SH3GL2: variants seen among roughly 807,000 people sequenced by gnomAD.
SH3GL2 encodes SH3 domain containing GRB2 like 2, endophilin A1, also known as endophilin-A1.
A neutral mutation model predicts 46.0 loss-of-function variants in SH3GL2; 24 were observed. That is an observed-to-expected ratio of 0.52 (90% CI 0.38 to 0.73). The LOEUF (loss-of-function observed/expected upper bound fraction) is 0.73, where lower values mean the gene tolerates loss of function less well. SH3GL2 is among the 30% of genes least tolerant of loss of function. SH3GL2 has a pLI of 0.00. For synonymous variants in SH3GL2, 196 were observed against 147.1 expected, an observed-to-expected ratio of 1.33 and a Z score of -2.40; for missense variants, 413 against 424.2, an observed-to-expected ratio of 0.97 and a Z score of 0.23.
At chr9:17,728,900 AGT>A (rs1413326598) in intron 1 of SH3GL2, among the ~76,000 whole-genome samples, 2 of 152,078 alleles carry the variant, frequency 1.3e-5, no homozygotes, top group Non-Finnish European at 2.9e-5. Context: ...GTTGGTTCCA[AGT>A]CTTTGTTACT....
intron 1 of SH3GL2, among the ~76,000 whole-genome samples, chr9:17,587,842 A>T (rs914967967): frequency 3.3e-5 from 5 of 151,910 alleles, no homozygotes; most frequent in Admixed American, 6.6e-5. Flanking sequence ...GCCAGATTGC[A>T]CCACTGCACT....
chr9:17,690,700 C>T (rs1376702758), intron 1 of SH3GL2, among the ~76,000 whole-genome samples: 2 of 152,092 alleles, frequency 1.3e-5, no homozygotes, highest in African/African-American at 2.4e-5. Context: ...TCTTTCCTAG[C>T]CCGTCACATT....
intron 1 of SH3GL2, among the ~76,000 whole-genome samples, chr9:17,726,032 C>A (rs1822012845): frequency 6.6e-6 from 1 of 152,080 alleles, no homozygotes; most frequent in African/African-American, 2.4e-5. Flanking sequence ...GCCATTCTTA[C>A]CAAGATTTAG....
chr9:17,601,305 A>T (rs1818667728), intron 1 of SH3GL2, among the ~76,000 whole-genome samples: 1 of 152,172 alleles, frequency 6.6e-6, no homozygotes, highest in Admixed American at 6.6e-5. Flanking sequence ...GAAAGGTGGA[A>T]AAAATAAACA....
chr9:17,589,620 A>G (rs1229902600), intron 1 of SH3GL2: 4 of 152,266 alleles, frequency 2.6e-5, no homozygotes, highest in African/African-American at 9.6e-5. Context: ...CAGTTAGAGT[A>G]GAGGAGTTGA....
At chr9:17,638,125 C>T (rs1819586615) in intron 1 of SH3GL2, among the ~76,000 whole-genome samples, 1 of 151,328 alleles carries the variant, frequency 6.6e-6, no homozygotes, top group East Asian at 2.0e-4. Flanking sequence ...CCACTGCACT[C>T]CAGCCTGGGC....
chr9:17,618,155 G>A (rs988556473), intron 1 of SH3GL2, among the ~76,000 whole-genome samples: 1 of 152,140 alleles, frequency 6.6e-6, no homozygotes, highest in Admixed American at 6.5e-5. Flanking sequence ...TAAAGGGGAT[G>A]TTTGGCAATG....
At chr9:17,682,950 A>T (rs1232164566) in intron 1 of SH3GL2, among the ~76,000 whole-genome samples, 3 of 152,032 alleles carry the variant, frequency 2.0e-5, no homozygotes, top group East Asian at 3.9e-4. Flanking sequence ...AAGCTCACAG[A>T]GTGTTGCCTT....
chr9:17,584,994 C>T (rs1214945743), intron 1 of SH3GL2, among the ~76,000 whole-genome samples: 2 of 152,034 alleles, frequency 1.3e-5, no homozygotes, highest in South Asian at 2.1e-4. Context: ...TTAGAAGTAC[C>T]CTAGAAAATG....
rs1485310612 is a variant in SH3GL2, at chr9:17,586,973, G to A, written c.45+7686G>A. Among the ~76,000 whole-genome samples the A allele has an allele frequency of 3.3e-5, 5 of 152,308 alleles. No individual in the cohort carries two copies. The East Asian group carries it at 5.8e-4, about 18-fold the overall frequency. ...TGCAATCCCAGCACTTTGGGAGGTCGAGGCAGGCAGATCACTTGAGGAGTT... is the reference window on the plus strand; with the variant it reads ...TGCAATCCCAGCACTTTGGGAGGTCAAGGCAGGCAGATCACTTGAGGAGTT... On this transcript the variant is annotated intron_variant, in intron 1 of 8. Coordinates refer to ENST00000380607, the MANE Select transcript of SH3GL2 (RefSeq NM_003026.5).
At chr9:17,673,916 G>C (rs995060602) in intron 1 of SH3GL2, among the ~76,000 whole-genome samples, 34 of 152,082 alleles carry the variant, frequency 2.2e-4, no homozygotes, top group Admixed American at 3.9e-4. Context: ...TCTCCATAGG[G>C]CATCCTGTGT....
At chr9:17,603,451 A>T (rs1055335105) in intron 1 of SH3GL2, among the ~76,000 whole-genome samples, 2 of 152,204 alleles carry the variant, frequency 1.3e-5, no homozygotes, top group Non-Finnish European at 2.9e-5. Context: ...ATAGACAGAA[A>T]GTAGAACAGT....
At chr9:17,617,054 T>C (rs1346498278) in intron 1 of SH3GL2, among the ~76,000 whole-genome samples, 1 of 152,188 alleles carries the variant, frequency 6.6e-6, no homozygotes, top group East Asian at 1.9e-4. Flanking sequence ...CTTTTAGGAA[T>C]GCTAGCATAC....
At chr9:17,679,534 G>A (rs1188593861) in intron 1 of SH3GL2, among the ~76,000 whole-genome samples, 8 of 152,140 alleles carry the variant, frequency 5.3e-5, no homozygotes, top group South Asian at 2.1e-4. Context: ...TTGGGCTGAG[G>A]CGATGGGGTT....
intron 1 of SH3GL2, among the ~76,000 whole-genome samples, chr9:17,727,085 A>C (rs547841384): frequency 1.3e-5 from 2 of 152,288 alleles, no homozygotes; most frequent in East Asian, 3.9e-4. Context: ...GGAAATGGAG[A>C]AGTAAATGTT....
At chr9:17,599,473 G>T (rs555249503) in intron 1 of SH3GL2, among the ~76,000 whole-genome samples, 1 of 152,214 alleles carries the variant, frequency 6.6e-6, no homozygotes, top group East Asian at 1.9e-4. Flanking sequence ...TAGGCAATAT[G>T]TGTCAATATG....
intron 1 of SH3GL2, among the ~76,000 whole-genome samples, chr9:17,598,555 C>G (rs1818615179): frequency 6.6e-6 from 1 of 152,198 alleles, no homozygotes; most frequent in African/African-American, 2.4e-5. Flanking sequence ...ACCCCCCGAC[C>G]TGCCCACTTC....
intron 1 of SH3GL2, among the ~76,000 whole-genome samples, chr9:17,644,446 C>T (rs577802271): frequency 6.6e-6 from 1 of 152,196 alleles, no homozygotes; most frequent in East Asian, 1.9e-4. Flanking sequence ...ATCTTTCCCT[C>T]TTTCTCCCGT....
At chr9:17,761,976 A>T (rs991401915) in intron 3 of SH3GL2, among the ~76,000 whole-genome samples, 2 of 152,120 alleles carry the variant, frequency 1.3e-5, no homozygotes, top group African/African-American at 4.8e-5. Flanking sequence ...CTTGATTCTG[A>T]TTCTTCTCCA....
Sources: gnomAD v4.1 joint callset for allele counts (sites outside exome capture counted in the v4.1 genomes callset) on GRCh38, gnomAD v4.1.1 for gene constraint, MANE v1.5 for transcripts, NCBI Gene and HGNC (gene_info 2026-07-23, HGNC 2026-07-21) for gene names.